The following CNTNAP2 variants were observed in gnomAD, a reference collection of about 807,000 sequenced individuals.
The protein encoded by CNTNAP2 is contactin associated protein 2, also known as contactin-associated protein-like 2.
CNTNAP2 carries 98 observed loss-of-function variants against 155.2 expected under a neutral mutation model. The observed-to-expected ratio is 0.63, with a 90% CI of 0.54 to 0.75. The LOEUF (loss-of-function observed/expected upper bound fraction) is 0.75. Among genes scored for constraint, CNTNAP2 ranks in the 30% least tolerant of loss-of-function variants. CNTNAP2 has a pLI of 0.00. For synonymous variants in CNTNAP2, 651 were observed against 631.2 expected, an observed-to-expected ratio of 1.03 and a Z score of -0.47; for missense variants, 1,727 against 1,688.1, an observed-to-expected ratio of 1.02 and a Z score of -0.40.
At chr7:147,670,505 A>G (rs1795769018) in intron 13 of CNTNAP2, among the ~76,000 whole-genome samples, 1 of 152,218 alleles carries the variant, frequency 6.6e-6, no homozygotes. Context: ...TGTGCCTATA[A>G]AAACCTCATA....
intron 3 of CNTNAP2, among the ~76,000 whole-genome samples, chr7:147,042,173 G>A (rs1396907740): frequency 1.3e-5 from 2 of 152,190 alleles, no homozygotes; most frequent in Non-Finnish European, 2.9e-5. Flanking sequence ...GATTACAGAA[G>A]TGTATGGCTA....
intron 11 of CNTNAP2, among the ~76,000 whole-genome samples, chr7:147,510,914 G>T (rs1799007836): frequency 7.9e-6 from 1 of 127,210 alleles, no homozygotes; most frequent in African/African-American, 3.1e-5. Flanking sequence ...TTTAGTTACT[G>T]AACTTGGATA....
At chr7:146,236,106 G>A (rs1371593090) in intron 1 of CNTNAP2, among the ~76,000 whole-genome samples, 2 of 151,984 alleles carry the variant, frequency 1.3e-5, no homozygotes, top group African/African-American at 4.8e-5. Context: ...TATGATGGGT[G>A]CCTAACACCA....
chr7:146,167,126 A>C (rs1210639640), intron 1 of CNTNAP2, among the ~76,000 whole-genome samples: 1 of 152,240 alleles, frequency 6.6e-6, no homozygotes, highest in African/African-American at 2.4e-5. Flanking sequence ...TAGAAGTCTT[A>C]CTACCAACCA....
intron 13 of CNTNAP2, among the ~76,000 whole-genome samples, chr7:147,834,410 G>C (rs557680539): frequency 6.6e-6 from 1 of 152,236 alleles, no homozygotes; most frequent in East Asian, 1.9e-4. Context: ...TTTTGTGTTG[G>C]GGTCTATGGA....
intron 1 of CNTNAP2, among the ~76,000 whole-genome samples, chr7:146,209,393 C>G (rs556856041): frequency 6.6e-6 from 1 of 152,182 alleles, no homozygotes; most frequent in Non-Finnish European, 1.5e-5. Flanking sequence ...TATGCAACAT[C>G]AGCTATCATT....
chr7:148,261,123 GA>G (rs1387021045), intron 20 of CNTNAP2, among the ~76,000 whole-genome samples: 13 of 152,084 alleles, frequency 8.5e-5, no homozygotes, highest in Non-Finnish European at 1.8e-4. Flanking sequence ...CTGCTTTCAG[GA>G]AGAAAAGGGG....
At chr7:146,252,118 G>A (rs1444559302) in intron 1 of CNTNAP2, among the ~76,000 whole-genome samples, 1 of 152,140 alleles carries the variant, frequency 6.6e-6, no homozygotes, top group Non-Finnish European at 1.5e-5. Flanking sequence ...CAGAGGCTGA[G>A]CCAAATCAAA....
intron 1 of CNTNAP2, among the ~76,000 whole-genome samples, chr7:146,670,854 T>C (rs1800291225): frequency 6.6e-6 from 1 of 152,172 alleles, no homozygotes; most frequent in Non-Finnish European, 1.5e-5. Context: ...CCCAGTCTGG[T>C]AGACTACACT....
At chr7:147,714,241 G>A (rs76228813) in intron 13 of CNTNAP2, among the ~76,000 whole-genome samples, 7,814 of 152,110 alleles carry the variant, frequency 0.051, 270 homozygotes, top group South Asian at 0.13. Context: ...GGTTCTGGAA[G>A]GTTTTTATAC....
At chr7:148,276,499 A>G (rs2116853491) in intron 21 of CNTNAP2, among the ~76,000 whole-genome samples, 1 of 152,298 alleles carries the variant, frequency 6.6e-6, no homozygotes, top group East Asian at 1.9e-4. Flanking sequence ...CTAACTCCCC[A>G]GCACTTCCAG....
At chr7:146,734,917 A>G (rs1801585596) in intron 1 of CNTNAP2, among the ~76,000 whole-genome samples, 1 of 152,196 alleles carries the variant, frequency 6.6e-6, no homozygotes, top group Admixed American at 6.5e-5. Flanking sequence ...GAGTGTTCAC[A>G]AAATCTATTT....
chr7:147,381,450 G>A (rs1316424715), intron 9 of CNTNAP2, among the ~76,000 whole-genome samples: 1 of 152,104 alleles, frequency 6.6e-6, no homozygotes, highest in East Asian at 1.9e-4. Flanking sequence ...CGATGTTTTA[G>A]ATATACTAGC....
chr7:147,049,401 A>G (rs1026114984), intron 4 of CNTNAP2, among the ~76,000 whole-genome samples: 6 of 152,194 alleles, frequency 3.9e-5, no homozygotes, highest in Non-Finnish European at 5.9e-5. Flanking sequence ...TTTACTGGCT[A>G]ATGTAAATTT....
Position 148,403,026 on chromosome 7 carries a change from T to TAA in CNTNAP2, c.3716-6351_3716-6350dup, listed in dbSNP as rs771767920. On this transcript the variant is annotated intron_variant, in intron 22 of 23. Transcript: ENST00000361727. Reference sequence around the variant, plus strand: ...AACCACCAAATTTATCTTCTGTAGTTAAAAAAAAAAAAAAACTTTACTCTC... The same window carrying TAA: ...AACCACCAAATTTATCTTCTGTAGTTAAAAAAAAAAAAAAAAACTTTACTCTC... Among the ~76,000 whole-genome samples, 103 of 66,862 alleles carry TAA rather than the reference T, an allele frequency of 1.5e-3. 6 individuals carry two copies. The highest frequency in any genetic ancestry group is 5.0e-3 in the East Asian group (13 of 2,602). 43.9% of individuals were successfully genotyped at this position (66,862 alleles called of 152,430 possible).
chr7:146,993,484 GT>G (rs888125007), intron 3 of CNTNAP2, among the ~76,000 whole-genome samples: 13 of 151,976 alleles, frequency 8.6e-5, no homozygotes, highest in African/African-American at 1.5e-4. Flanking sequence ...CCAGTTTCAG[GT>G]TTTTTTTCTA....
intron 20 of CNTNAP2, among the ~76,000 whole-genome samples, chr7:148,234,244 CT>C (rs750219767): frequency 5.9e-5 from 9 of 152,182 alleles, no homozygotes; most frequent in Non-Finnish European, 1.0e-4. Context: ...GTCCGTCATA[CT>C]TCAAAGTGTA....
At chr7:147,043,696 A>G (rs570656661) in intron 3 of CNTNAP2, among the ~76,000 whole-genome samples, 166 of 152,356 alleles carry the variant, frequency 1.1e-3, no homozygotes, top group African/African-American at 3.9e-3. Flanking sequence ...CATGGATGAA[A>G]AGACCCACAG....
At chr7:148,178,213 G>A (rs990367932) in intron 18 of CNTNAP2, among the ~76,000 whole-genome samples, 1 of 152,160 alleles carries the variant, frequency 6.6e-6, no homozygotes, top group Non-Finnish European at 1.5e-5. Context: ...TCACTCATCT[G>A]CACTTTTTTT....
Sources: allele counts gnomAD v4.1 joint callset (sites outside exome capture counted in the v4.1 genomes callset), GRCh38; gene constraint gnomAD v4.1.1; transcripts MANE v1.5; gene names NCBI Gene and HGNC (gene_info 2026-07-23, HGNC 2026-07-21).